Variants in SLC26A3 observed in about 807,000 individuals in gnomAD.
SLC26A3 encodes solute carrier family 26 member 3.
Under a neutral mutation model 85.6 loss-of-function variants are expected in SLC26A3, and 64 were observed. That is an observed-to-expected ratio of 0.75 (90% CI 0.61 to 0.92). The LOEUF (loss-of-function observed/expected upper bound fraction) is 0.92, where lower values mean the gene tolerates loss of function less well. Ranked by LOEUF, SLC26A3 falls within the 40% of genes least tolerant of loss-of-function variation. The pLI is 0.00. For synonymous variants in SLC26A3, 349 were observed against 336.0 expected, an observed-to-expected ratio of 1.04 and a Z score of -0.42; for missense variants, 922 against 927.3, an observed-to-expected ratio of 0.99 and a Z score of 0.07.
At chr7:107,791,767 T>C in intron 4 of SLC26A3, 63 bp downstream of exon 4, 2 of 1,034,688 alleles carry the variant, frequency 1.9e-6, no homozygotes, top group Middle Eastern at 2.0e-4. Context: ...ATAGAAGGTA[T>C]GGCTAATAAA....
intron 1 of SLC26A3, among the ~76,000 whole-genome samples, chr7:107,797,126 C>T (rs997339960): frequency 1.3e-5 from 2 of 152,158 alleles, no homozygotes; most frequent in Admixed American, 1.3e-4. Flanking sequence ...GCTGTCCTGC[C>T]AGTAAAAGCC....
At chr7:107,789,282 A>AT (rs923727048) in intron 6 of SLC26A3, among the ~76,000 whole-genome samples, 155 of 139,758 alleles carry the variant, frequency 1.1e-3, no homozygotes, top group Middle Eastern at 3.7e-3. Flanking sequence ...ATGCCCGGCT[A>AT]TTTTTTTTTT....
chr7:107,783,208 A>C lies in SLC26A3; in HGVS notation c.1116T>G (p.Asn372Lys). Reference sequence around the variant, plus strand: ...CCAGTGTAGTTTGTTTACTTACCTGATTGCCATCAAGTGGATAATCGTATT... The same window carrying C: ...CCAGTGTAGTTTGTTTACTTACCTGCTTGCCATCAAGTGGATAATCGTATT... Reference protein sequence around the residue: ...SLKYDYPLDGNQELIALGLGN... With the variant: ...SLKYDYPLDGKQELIALGLGN... Residue 372 changes from asparagine (N) to lysine (K), a missense_variant, in exon 9 of 21, where the codon AAT becomes AAG. Coordinates refer to ENST00000340010, the MANE Select transcript of SLC26A3 (RefSeq NM_000111.3). 11 of 1,614,184 alleles carry C rather than the reference A, an allele frequency of 6.8e-6. No individual in the cohort carries two copies. The highest frequency in any genetic ancestry group is 9.3e-6 in the Non-Finnish European group (11 of 1,180,032).
Position 107,787,447 on chromosome 7 carries a change from C to T in SLC26A3, c.798G>A (p.Leu266=). Residue 266 remains leucine, a synonymous_variant, in exon 7 of 21, where the codon CTG becomes CTA. Transcript: ENST00000340010. ...CAATGGATACAACCAAAAGGACAAT[C>T]AGAGCTGTCACCAGGTCTGCAATAT... ...KTNIADLVTA[L]IVLLVVSIVK... is the part of the protein sequence containing the mutation. The T allele has an allele frequency of 1.2e-6, 2 of 1,613,898 alleles. No individual in the cohort carries two copies. The highest frequency in any genetic ancestry group is 1.1e-5 in the South Asian group (1 of 91,074).
In SLC26A3 at chr7:107,779,667, C is replaced by G. The variant is rs758404507; in HGVS notation, c.1407+1G>C. On this transcript the variant is annotated splice_donor_variant, in intron 12 of 20. Coordinates refer to ENST00000340010, the MANE Select transcript of SLC26A3 (RefSeq NM_000111.3). LOFTEE classifies it high-confidence loss of function. ...TTTCAAATACTATTGCCTCTACTTA[C>G]ACAATCATATTTGTCCTTTCGCCAC... 1 of 1,607,704 alleles carries G rather than the reference C, an allele frequency of 6.2e-7. No homozygotes were observed. Among genetic ancestry groups the G allele is most frequent in the Non-Finnish European group, 8.5e-7 (1 of 1,174,248 alleles).
intron 13 of SLC26A3, 24 bp downstream of exon 13, chr7:107,778,151 A>T (rs1369268650): frequency 6.6e-7 from 1 of 1,520,968 alleles, no homozygotes; most frequent in East Asian, 2.2e-5. Flanking sequence ...GCCTGCCAGG[A>T]TGCAGAGCAC....
chr7:107,782,158 A>T (rs921527250), intron 11 of SLC26A3, among the ~76,000 whole-genome samples: 3 of 152,322 alleles, frequency 2.0e-5, no homozygotes, highest in South Asian at 4.1e-4. Flanking sequence ...TAAAACCACA[A>T]GGAACAATGT....
At chr7:107,781,427 T>C (rs899486929) in intron 11 of SLC26A3, among the ~76,000 whole-genome samples, 4 of 152,310 alleles carry the variant, frequency 2.6e-5, no homozygotes, top group Admixed American at 2.0e-4. Flanking sequence ...GGGGCTTTGA[T>C]TAAATCTTGG....
chr7:107,795,956 C>A (rs1194820888), intron 1 of SLC26A3, among the ~76,000 whole-genome samples: 1 of 152,070 alleles, frequency 6.6e-6, no homozygotes, highest in Non-Finnish European at 1.5e-5. Flanking sequence ...TTTGATCACT[C>A]ATTTTTCTCT....
chr7:107,783,994 T>C (rs1007401801), intron 8 of SLC26A3, among the ~76,000 whole-genome samples: 1 of 152,214 alleles, frequency 6.6e-6, no homozygotes. Context: ...AGTTCAATTA[T>C]ATTTACTAAT....
chr7:107,779,864 C>CAAAAAAAA (rs1794187229), intron 11 of SLC26A3, 101 bp from the exon 12 acceptor site: 1 of 882,436 alleles, frequency 1.1e-6, no homozygotes, highest in Non-Finnish European at 1.8e-6. Context: ...TAAAGGGCCT[C>CAAAAAAAA]AAAGCAAATC....
intron 1 of SLC26A3, among the ~76,000 whole-genome samples, chr7:107,798,845 A>G (rs940543676): frequency 6.6e-6 from 1 of 152,186 alleles, no homozygotes; most frequent in African/African-American, 2.4e-5. Context: ...GCAAAACCAG[A>G]GGTAAGCCAG....
At chr7:107,787,174 A>G (rs1179915605) in intron 7 of SLC26A3, among the ~76,000 whole-genome samples, 183 bp downstream of exon 7, 1 of 152,202 alleles carries the variant, frequency 6.6e-6, no homozygotes, top group Non-Finnish European at 1.5e-5. Context: ...GAAAAAATTA[A>G]CTCAAAATCA....
chr7:107,775,697 G>C (rs1182678615), intron 15 of SLC26A3, among the ~76,000 whole-genome samples: 1 of 151,808 alleles, frequency 6.6e-6, no homozygotes, highest in Non-Finnish European at 1.5e-5. Context: ...ATGCCAGCCT[G>C]GGTGACAAAG....
At position 107,794,168 on chromosome 7, in the gene SLC26A3, T is replaced by C. The variant is rs143241136; in HGVS notation, c.131+211A>G. On this transcript the variant is annotated intron_variant, in intron 2 of 20. Transcript: ENST00000340010. ...CTGTCCCCATCTGTTAGTTGTCTGA[T>C]TTGGAAAGACCGTGTTGATAAGCCG... 5.6e-3 allele frequency among the ~76,000 whole-genome samples: 847 copies of C among 152,270 alleles called. 9 individuals are homozygous for C. The highest frequency in any genetic ancestry group is 0.019 in the African/African-American group (782 of 41,548).
intron 1 of SLC26A3, among the ~76,000 whole-genome samples, chr7:107,797,585 A>G (rs1255172356): frequency 1.3e-5 from 2 of 152,014 alleles, no homozygotes; most frequent in Non-Finnish European, 2.9e-5. Flanking sequence ...CCTTGCACCC[A>G]TCCCCGCTTC....
chr7:107,776,787 A>G, intron 13 of SLC26A3, 81 bp from the exon 14 acceptor site: 8 of 1,184,568 alleles, frequency 6.8e-6, no homozygotes, highest in Non-Finnish European at 9.8e-6. Context: ...TTTCCAGCAT[A>G]CCAAAGCAGG....
chr7:107,789,638 C>A lies in SLC26A3; in HGVS notation c.621G>T (p.Glu207Asp). The A allele has an allele frequency of 6.2e-7, 1 of 1,614,014 alleles. No individual in the cohort carries two copies. The highest frequency in any genetic ancestry group is 8.5e-7 in the Non-Finnish European group (1 of 1,179,974). The part of the protein sequence containing the change: ...RIGFVVIYLS[E>D]SLISGFTTAA... ...CAGTAGTGAAGCCACTGATGAGGGA[C>A]TCAGACAGGTATATCACTACAAATC... is the stretch of plus-strand genomic sequence containing the variant. Residue 207 changes from glutamate (E) to aspartate (D), a missense_variant, in exon 6 of 21, where the codon GAG becomes GAT. Glu to Asp is a conservative substitution (Grantham distance 45). Transcript: ENST00000340010.
At chr7:107,777,752 A>G (rs1426454293) in intron 13 of SLC26A3, among the ~76,000 whole-genome samples, 2 of 152,232 alleles carry the variant, frequency 1.3e-5, no homozygotes, top group African/African-American at 2.4e-5. Context: ...TACGAGGGCA[A>G]TCTAACAACC....
Sources: allele counts gnomAD v4.1 joint callset (sites outside exome capture counted in the v4.1 genomes callset), GRCh38; gene constraint gnomAD v4.1.1; transcripts MANE v1.5; gene names NCBI Gene and HGNC (gene_info 2026-07-23, HGNC 2026-07-21).